Variants in SERPINI1 observed in about 807,000 individuals in gnomAD.
The protein encoded by SERPINI1 is neuroserpin.
In SERPINI1, 19 loss-of-function variants were observed where a neutral mutation model predicts 41.1. The ratio of observed to expected loss-of-function variants is 0.46; its 90% CI spans 0.32 to 0.68. The LOEUF is 0.68. Among genes scored for constraint, SERPINI1 ranks in the 30% least tolerant of loss-of-function variants. SERPINI1 has a pLI of 0.03. For missense variants in SERPINI1, 460 were observed against 479.2 expected, an observed-to-expected ratio of 0.96 and a Z score of 0.37; for synonymous variants, 138 against 156.6, an observed-to-expected ratio of 0.88 and a Z score of 0.89.
At chr3:167,752,391 T>C (rs1726073243) in intron 1 of SERPINI1, among the ~76,000 whole-genome samples, 1 of 152,162 alleles carries the variant, frequency 6.6e-6, no homozygotes, top group Admixed American at 6.5e-5. Context: ...TTCTCCATCT[T>C]AATGAAGGAC....
rs544937200 is a variant in SERPINI1 at position 167,775,421 on chromosome 3, G to A, written c.-18-13690G>A. Among the ~76,000 whole-genome samples, 18 of 151,592 alleles carry A rather than the reference G, an allele frequency of 1.2e-4. No homozygotes were observed. The South Asian group carries it at 3.3e-3, about 28-fold the overall frequency. On this transcript the variant is annotated intron_variant, in intron 1 of 8. Coordinates refer to ENST00000446050, the MANE Select transcript of SERPINI1 (RefSeq NM_001122752.2). Reference sequence around the variant, plus strand: ...GGATTAGACACCTGCCACCACGCCCGGCTAATTTTTGTATTTTTAGTAGAG... The same window carrying A: ...GGATTAGACACCTGCCACCACGCCCAGCTAATTTTTGTATTTTTAGTAGAG...
At chr3:167,812,730 A>G (rs915535128) in intron 6 of SERPINI1, among the ~76,000 whole-genome samples, 1 of 152,158 alleles carries the variant, frequency 6.6e-6, no homozygotes, top group Non-Finnish European at 1.5e-5. Context: ...TATTTATTAC[A>G]TTTATTTTTT....
chr3:167,802,730 G>A (rs1237916076), intron 5 of SERPINI1, among the ~76,000 whole-genome samples: 1 of 140,298 alleles, frequency 7.1e-6, no homozygotes, highest in Non-Finnish European at 1.6e-5. Context: ...GATTCCTCAG[G>A]GATCTAGAAC....
At chr3:167,802,173 C>T (rs1727921459) in intron 5 of SERPINI1, among the ~76,000 whole-genome samples, 1 of 152,048 alleles carries the variant, frequency 6.6e-6, no homozygotes, top group Non-Finnish European at 1.5e-5. Context: ...CATAAAAACC[C>T]TAGAAGAAAA....
rs1727567844 is a variant in SERPINI1 at position 167,792,631 on chromosome 3, G to A, written c.523G>A (p.Ala175Thr). The A allele has an allele frequency of 1.2e-6, 2 of 1,613,612 alleles. No individual in the cohort carries two copies. The highest frequency in any genetic ancestry group is 8.5e-7 in the Non-Finnish European group (1 of 1,179,832). Residue 175 changes from alanine (A) to threonine (T), a missense_variant, in exon 4 of 9, where the codon GCC (alanine) becomes ACC (threonine). Physicochemically the swap from Ala to Thr is moderately conservative, Grantham distance 58 (BLOSUM62 0). Transcript: ENST00000446050. ...DLVSPRDFDA[A>T]TYLALINAVY... ...GGTATCCCCAAGGGATTTTGATGCT[G>A]CCACTTATCTGGCCCTCATTAATGC...
chr3:167,792,366 CAT>C (rs34567506), intron 3 of SERPINI1, among the ~76,000 whole-genome samples: 66,931 of 149,738 alleles, frequency 0.45, 15,765 homozygotes, highest in African/African-American at 0.61. Flanking sequence ...TATATACACA[CAT>C]ATATATATAT....
At chr3:167,823,477 T>C (rs939736590) in intron 7 of SERPINI1, among the ~76,000 whole-genome samples, 12 of 152,360 alleles carry the variant, frequency 7.9e-5, no homozygotes, top group African/African-American at 2.6e-4. Context: ...TTTTCATGGT[T>C]ACATGGCAAA....
At chr3:167,782,250 T>C (rs1428541982) in intron 1 of SERPINI1, among the ~76,000 whole-genome samples, 1 of 152,232 alleles carries the variant, frequency 6.6e-6, no homozygotes, top group South Asian at 2.1e-4. Context: ...CTAATGTTAA[T>C]ATTGTAATAT....
intron 6 of SERPINI1, among the ~76,000 whole-genome samples, chr3:167,818,388 T>C (rs1712194262): frequency 6.6e-6 from 1 of 152,222 alleles, no homozygotes; most frequent in African/African-American, 2.4e-5. Flanking sequence ...CTATCAAAAC[T>C]TATCAAATCA....
intron 3 of SERPINI1, among the ~76,000 whole-genome samples, chr3:167,790,931 A>G (rs1199134038): frequency 1.3e-5 from 2 of 152,184 alleles, no homozygotes; most frequent in Non-Finnish European, 2.9e-5. Flanking sequence ...ACTAGATAGA[A>G]TGGCAGTTGG....
At chr3:167,816,001 TTTAGA>T (rs1386155590) in intron 6 of SERPINI1, among the ~76,000 whole-genome samples, 1 of 152,220 alleles carries the variant, frequency 6.6e-6, no homozygotes, top group East Asian at 1.9e-4. Context: ...GAACGTCTAC[TTTAGA>T]TTATTGTCTT....
At chr3:167,767,920 A>T (rs547610837) in intron 1 of SERPINI1, among the ~76,000 whole-genome samples, 7 of 152,312 alleles carry the variant, frequency 4.6e-5, no homozygotes, top group African/African-American at 1.4e-4. Flanking sequence ...TTGGAGGTGG[A>T]ATCTACTGGT....
In SERPINI1 at chr3:167,794,678, A is replaced by C; in HGVS notation, c.735A>C (p.Pro245=). Residue 245 remains proline (P), a synonymous_variant, in exon 5 of 9, where the codon CCA becomes CCC. Coordinates refer to ENST00000446050, the MANE Select transcript of SERPINI1 (RefSeq NM_001122752.2). Reference sequence around the variant, plus strand: ...GTATCTACCAAGTCCTAGAAATACCATATGAAGGAGATGAAATAAGCATGA... The same window carrying C: ...GTATCTACCAAGTCCTAGAAATACCCTATGAAGGAGATGAAATAAGCATGA... ...AGGIYQVLEI[P]YEGDEISMML... 2 of 1,613,686 alleles carry C rather than the reference A, an allele frequency of 1.2e-6. No homozygotes were observed. Among genetic ancestry groups the C allele is most frequent in the South Asian group, 2.2e-5 (2 of 91,066 alleles).
intron 1 of SERPINI1, among the ~76,000 whole-genome samples, chr3:167,737,574 G>C (rs978747335): frequency 6.6e-6 from 1 of 152,072 alleles, no homozygotes; most frequent in Non-Finnish European, 1.5e-5. Flanking sequence ...ATCAGTCTTA[G>C]ATTCTTTCTC....
chr3:167,793,594 A>ATTTTTTTTTTT (rs544906097), intron 4 of SERPINI1, among the ~76,000 whole-genome samples: 46 of 106,408 alleles, frequency 4.3e-4, no homozygotes, highest in African/African-American at 1.4e-3. Context: ...ATATATATAT[A>ATTTTTTTTTTT]TATTTTTAAT....
At chr3:167,780,087 T>C (rs1727072687) in intron 1 of SERPINI1, among the ~76,000 whole-genome samples, 2 of 152,132 alleles carry the variant, frequency 1.3e-5, no homozygotes, top group African/African-American at 4.8e-5. Context: ...TATACTTCTT[T>C]AAAAAATGGA....
chr3:167,785,861 A>G (rs1021892507), intron 1 of SERPINI1, among the ~76,000 whole-genome samples: 1 of 152,228 alleles, frequency 6.6e-6, no homozygotes, highest in African/African-American at 2.4e-5. Context: ...TGTGTTATTG[A>G]CTGACAGATA....
chr3:167,808,768 A>G (rs1711752472), intron 6 of SERPINI1, among the ~76,000 whole-genome samples: 1 of 152,228 alleles, frequency 6.6e-6, no homozygotes, highest in Non-Finnish European at 1.5e-5. Flanking sequence ...AATTGCATAT[A>G]AATATGTGCA....
chr3:167,819,044 G>A (rs1230754896), intron 6 of SERPINI1, among the ~76,000 whole-genome samples: 1 of 152,186 alleles, frequency 6.6e-6, no homozygotes, highest in Non-Finnish European at 1.5e-5. Context: ...TTAACTCACA[G>A]ACTGATGAAA....
Sources: gnomAD v4.1 joint callset for allele counts (sites outside exome capture counted in the v4.1 genomes callset) on GRCh38, gnomAD v4.1.1 for gene constraint, MANE v1.5 for transcripts, NCBI Gene and HGNC (gene_info 2026-07-23, HGNC 2026-07-21) for gene names.